The following CALN1 variants were observed in gnomAD, a reference collection of about 807,000 sequenced individuals.
The protein encoded by CALN1 is calcium-binding protein 8.
CALN1 carries 17 observed loss-of-function variants against 30.6 expected under a neutral mutation model. The ratio of observed to expected loss-of-function variants is 0.56; its 90% CI spans 0.38 to 0.83. CALN1 has a LOEUF of 0.83. Among genes scored for constraint, CALN1 ranks in the 40% least tolerant of loss-of-function variants. CALN1 has a pLI of 0.00. For synonymous variants in CALN1, 156 were observed against 131.4 expected (o/e 1.19, Z -1.28); for missense variants, 291 against 354.9 (o/e 0.82, Z 1.45).
chr7:72,343,406 G>C (rs550727377), intron 2 of CALN1, among the ~76,000 whole-genome samples: 90 of 152,222 alleles, frequency 5.9e-4, no homozygotes, highest in African/African-American at 2.1e-3. Flanking sequence ...AAATTAGCCA[G>C]GCATGGTGGC....
chr7:71,800,506 G>T (rs1787238285), intron 6 of CALN1, among the ~76,000 whole-genome samples: 1 of 152,286 alleles, frequency 6.6e-6, no homozygotes, highest in East Asian at 1.9e-4. Flanking sequence ...CGTGCCGGTT[G>T]TCAGAATGTC....
chr7:72,377,147 TC>T (rs1804608666), intron 2 of CALN1, among the ~76,000 whole-genome samples: 1 of 152,188 alleles, frequency 6.6e-6, no homozygotes, highest in African/African-American at 2.4e-5. Context: ...TTCTCCTTTT[TC>T]AGATTGTCTA....
chr7:72,423,803 C>A (rs1390053917), intron 1 of CALN1, among the ~76,000 whole-genome samples: 1 of 136,256 alleles, frequency 7.3e-6, no homozygotes, highest in Non-Finnish European at 1.5e-5. Context: ...GGTGACAGAG[C>A]AAGACCTTGT....
At chr7:71,894,245 T>G (rs1389462658) in intron 5 of CALN1, among the ~76,000 whole-genome samples, 1 of 152,144 alleles carries the variant, frequency 6.6e-6, no homozygotes, top group Non-Finnish European at 1.5e-5. Flanking sequence ...TACTATAACT[T>G]TATACTGTGT....
intron 3 of CALN1, among the ~76,000 whole-genome samples, chr7:72,258,946 T>C (rs1029098828): frequency 6.7e-6 from 1 of 150,132 alleles, no homozygotes; most frequent in East Asian, 1.9e-4. Context: ...CCAGGCATGG[T>C]GGCACACACC....
intron 3 of CALN1, among the ~76,000 whole-genome samples, chr7:72,132,481 G>A (rs1809220582): frequency 6.6e-6 from 1 of 152,102 alleles, no homozygotes; most frequent in African/African-American, 2.4e-5. Flanking sequence ...TTTGAAGTTA[G>A]TTCATTTTCA....
chr7:72,106,703 AG>A (rs1807151804), intron 3 of CALN1, among the ~76,000 whole-genome samples: 1 of 27,274 alleles, frequency 3.7e-5, no homozygotes, highest in Non-Finnish European at 6.5e-5. Flanking sequence ...GGAGGGAGGA[AG>A]GGAGGGAGGG....
intron 2 of CALN1, 119 bp downstream of exon 2, chr7:72,403,132 A>T: frequency 2.9e-6 from 2 of 679,666 alleles, no homozygotes; most frequent in South Asian, 2.1e-5. Context: ...TCCATTTCAT[A>T]GATTCTCCTC....
intron 5 of CALN1, among the ~76,000 whole-genome samples, chr7:71,987,725 G>A (rs530219280): frequency 1.1e-4 from 16 of 152,220 alleles, no homozygotes; most frequent in Non-Finnish European, 1.9e-4. Context: ...GACCTTGAAG[G>A]ATCATGCAGT....
rs1793040638 is a variant in CALN1, at chr7:71,787,432, C to T, written c.*343G>A. 13 of 254,248 alleles carry T rather than the reference C, an allele frequency of 5.1e-5. No homozygotes were observed. Among genetic ancestry groups the T allele is most frequent in the South Asian group, 1.6e-4 (3 of 18,560 alleles). 15.7% of individuals were successfully genotyped at this position (254,248 alleles called of 1,614,324 possible). A position where few individuals can be genotyped will look rare whatever the true frequency, so the allele number is the denominator to read the frequency against. Reference sequence around the variant, plus strand: ...TTCATGCCTCTCTCTTGCTCTCTCACCATTATACCTGGATGGCTGCTGGAA... The same window carrying T: ...TTCATGCCTCTCTCTTGCTCTCTCATCATTATACCTGGATGGCTGCTGGAA... On this transcript the variant is annotated 3_prime_UTR_variant, in exon 7 of 7. Transcript: ENST00000395275.
chr7:72,160,414 G>C (rs1032331000), intron 3 of CALN1, among the ~76,000 whole-genome samples: 1 of 151,960 alleles, frequency 6.6e-6, no homozygotes, highest in South Asian at 2.1e-4. Context: ...GAGTAGCTGG[G>C]ATTACAGGCA....
chr7:72,312,593 T>G (rs1800130656), intron 2 of CALN1, among the ~76,000 whole-genome samples: 1 of 152,034 alleles, frequency 6.6e-6, no homozygotes, highest in Non-Finnish European at 1.5e-5. Flanking sequence ...TTTTTTCTTT[T>G]GCAAATTCAA....
At chr7:71,861,167 T>C (rs1393103470) in intron 5 of CALN1, among the ~76,000 whole-genome samples, 1 of 139,668 alleles carries the variant, frequency 7.2e-6, no homozygotes, top group Non-Finnish European at 1.5e-5. Context: ...AACTGGTGTG[T>C]TGTGGTGTGG....
intron 3 of CALN1, among the ~76,000 whole-genome samples, chr7:72,196,588 T>C (rs767683246): frequency 5.9e-5 from 9 of 152,234 alleles, no homozygotes; most frequent in Non-Finnish European, 8.8e-5. Flanking sequence ...AGATGTCATA[T>C]GTAGATTCAA....
At position 72,215,348 on chromosome 7, in the gene CALN1, C is replaced by A. The variant is rs1439045539; in HGVS notation, c.244+63338G>T. ...GTGGCTCACGCCTGTAATCCCAGCA[C>A]TTTGGGAGGCCGAGGTGGGCAGATC... On this transcript the variant is annotated intron_variant, in intron 3 of 6. Coordinates refer to ENST00000395275, the MANE Select transcript of CALN1 (RefSeq NM_031468.4). 2.0e-5 allele frequency among the ~76,000 whole-genome samples: 3 copies of A among 152,240 alleles called. No individual in the cohort carries two copies. In the East Asian group the frequency reaches 5.8e-4, roughly 29 times the overall value.
intron 1 of CALN1, among the ~76,000 whole-genome samples, chr7:72,405,286 A>G (rs1206336779): frequency 6.6e-6 from 1 of 152,226 alleles, no homozygotes; most frequent in African/African-American, 2.4e-5. Flanking sequence ...AAACACATAC[A>G]TGCACACACA....
At chr7:72,151,534 T>A (rs370367816) in intron 3 of CALN1, among the ~76,000 whole-genome samples, 3 of 152,180 alleles carry the variant, frequency 2.0e-5, no homozygotes, top group Non-Finnish European at 2.9e-5. Flanking sequence ...AACCCCGTAA[T>A]AGACCCACAC....
chr7:72,192,661 ATTATTATTATTATACTT>A, intron 3 of CALN1, among the ~76,000 whole-genome samples: 1 of 72,772 alleles, frequency 1.4e-5, no homozygotes, highest in South Asian at 5.9e-4. Flanking sequence ...TATTATTATT[ATTATTATTATTATACTT>A]TAAGTTTTAG....
In CALN1 at chr7:72,038,051, T is replaced by A. The variant is rs373060455; in HGVS notation, c.389-14282A>T. 7.2e-5 allele frequency among the ~76,000 whole-genome samples: 11 copies of A among 152,328 alleles called. No individual in the cohort carries two copies. In the East Asian group the frequency reaches 2.1e-3, roughly 29 times the overall value. On this transcript the variant is annotated intron_variant, in intron 4 of 6. Transcript: ENST00000395275. ...AAGGGGCTTGCAATAGGGGGCCAGGTGCACCACCAATGGCTTCCAGCCTCT... is the reference window on the plus strand; with the variant it reads ...AAGGGGCTTGCAATAGGGGGCCAGGAGCACCACCAATGGCTTCCAGCCTCT...
Sources: gnomAD v4.1 joint callset for allele counts (sites outside exome capture counted in the v4.1 genomes callset) on GRCh38, gnomAD v4.1.1 for gene constraint, MANE v1.5 for transcripts, NCBI Gene and HGNC (gene_info 2026-07-23, HGNC 2026-07-21) for gene names.